Variants in SPTLC3 observed in about 807,000 individuals in gnomAD.
The protein encoded by SPTLC3 is serine palmitoyltransferase long chain base subunit 3.
In SPTLC3, 36 loss-of-function variants were observed where a neutral mutation model predicts 59.3. That is an observed-to-expected ratio of 0.61 (90% CI 0.47 to 0.80). SPTLC3 has a LOEUF of 0.80. SPTLC3 is among the 30% of genes least tolerant of loss of function. SPTLC3 has a pLI of 0.00. For missense variants in SPTLC3, 625 were observed against 685.1 expected (o/e 0.91, Z 0.98); for synonymous variants, 257 against 240.8 (o/e 1.07, Z -0.62).
chr20:13,009,456 AGG>A, intron 1 of SPTLC3, 72 bp downstream of exon 1: 1 of 1,363,688 alleles, frequency 7.3e-7, no homozygotes, highest in East Asian at 2.3e-5. Context: ...AAGATATTTG[AGG>A]CTGTCCTAAC....
chr20:13,040,600 C>T (rs1305778594), intron 1 of SPTLC3, among the ~76,000 whole-genome samples: 1 of 152,110 alleles, frequency 6.6e-6, no homozygotes, highest in Non-Finnish European at 1.5e-5. Flanking sequence ...CCTCGTGATC[C>T]ACCTGCCTTG....
chr20:13,048,337 TC>T (rs1326113109), intron 1 of SPTLC3, among the ~76,000 whole-genome samples: 2 of 152,190 alleles, frequency 1.3e-5, no homozygotes, highest in Admixed American at 6.5e-5. Flanking sequence ...TTCCCTTAAG[TC>T]CTCTCTTCCA....
At chr20:13,136,178 T>C (rs2038238623) in intron 9 of SPTLC3, among the ~76,000 whole-genome samples, 1 of 151,998 alleles carries the variant, frequency 6.6e-6, no homozygotes, top group South Asian at 2.1e-4. Flanking sequence ...AGTTTCTGGG[T>C]GGTAAGGCAG....
chr20:13,115,507 C>CA (rs112250630), intron 7 of SPTLC3, among the ~76,000 whole-genome samples: 4,952 of 152,076 alleles, frequency 0.033, 223 homozygotes, highest in African/African-American at 0.1. Context: ...AGTTCCAGAA[C>CA]AAAAAAATGG....
chr20:13,064,608 C>A (rs1030316547), intron 2 of SPTLC3, among the ~76,000 whole-genome samples: 3 of 152,164 alleles, frequency 2.0e-5, no homozygotes, highest in African/African-American at 7.2e-5. Context: ...CTAAATGGTT[C>A]ATTTTTAACT....
intron 8 of SPTLC3, among the ~76,000 whole-genome samples, chr20:13,124,146 A>G (rs1029072607): frequency 6.6e-6 from 1 of 152,212 alleles, no homozygotes; most frequent in Non-Finnish European, 1.5e-5. Context: ...AGGCTCACCA[A>G]ATAAAAGAAT....
chr20:13,129,630 A>G (rs2038075963), intron 9 of SPTLC3, among the ~76,000 whole-genome samples: 1 of 152,260 alleles, frequency 6.6e-6, no homozygotes, highest in African/African-American at 2.4e-5. Flanking sequence ...CCTTTGGTCT[A>G]TATGTCATCC....
At chr20:13,077,770 C>T (rs1362797376) in intron 4 of SPTLC3, among the ~76,000 whole-genome samples, 1 of 151,442 alleles carries the variant, frequency 6.6e-6, no homozygotes, top group East Asian at 1.9e-4. Flanking sequence ...TTCTATTGAG[C>T]CAAGCTATCT....
chr20:13,116,531 AT>A (rs1026423437), intron 7 of SPTLC3, among the ~76,000 whole-genome samples: 4 of 151,920 alleles, frequency 2.6e-5, no homozygotes, highest in African/African-American at 9.7e-5. Flanking sequence ...CATAGACTAC[AT>A]TTTTTTCCCT....
At chr20:13,061,802 C>T (rs2749390) in intron 2 of SPTLC3, among the ~76,000 whole-genome samples, 76,575 of 151,910 alleles carry the variant, frequency 0.5, 20,169 homozygotes, top group African/African-American at 0.67. Flanking sequence ...CTCAGATGTA[C>T]CCTGCTTCCA....
At chr20:13,060,902 G>T (rs1217947576) in intron 2 of SPTLC3, among the ~76,000 whole-genome samples, 3 of 151,932 alleles carry the variant, frequency 2.0e-5, no homozygotes, top group Non-Finnish European at 4.4e-5. Flanking sequence ...CATCTTTGCT[G>T]TTTTCAACGG....
At chr20:13,097,842 G>A (rs2122645459) in intron 6 of SPTLC3, among the ~76,000 whole-genome samples, 1 of 152,266 alleles carries the variant, frequency 6.6e-6, no homozygotes, top group South Asian at 2.1e-4. Flanking sequence ...AGAAAGAACA[G>A]TATCAGCCAA....
chr20:13,019,993 C>G (rs981545299), intron 1 of SPTLC3, among the ~76,000 whole-genome samples: 1 of 151,908 alleles, frequency 6.6e-6, no homozygotes, highest in Non-Finnish European at 1.5e-5. Context: ...GTGTGTATTC[C>G]CTGACTTCCT....
intron 1 of SPTLC3, among the ~76,000 whole-genome samples, chr20:13,039,797 C>T (rs1005677776): frequency 9.9e-5 from 15 of 152,008 alleles, no homozygotes; most frequent in African/African-American, 2.7e-4. Flanking sequence ...AGTTGCTCTA[C>T]GGCTTGCCAT....
intron 9 of SPTLC3, among the ~76,000 whole-genome samples, chr20:13,143,345 G>A (rs1458578690): frequency 6.6e-6 from 1 of 152,092 alleles, no homozygotes; most frequent in African/African-American, 2.4e-5. Flanking sequence ...AAATGTGTAT[G>A]AAAGTATATA....
intron 9 of SPTLC3, among the ~76,000 whole-genome samples, chr20:13,127,394 C>A (rs898376604): frequency 2.0e-5 from 3 of 152,220 alleles, no homozygotes; most frequent in Non-Finnish European, 4.4e-5. Flanking sequence ...GCCAGGCAAA[C>A]TGGTGAGCAC....
intron 7 of SPTLC3, 114 bp downstream of exon 7, chr20:13,110,331 G>T: frequency 1.2e-6 from 1 of 851,844 alleles, no homozygotes; most frequent in Non-Finnish European, 1.8e-6. Context: ...TTGGTTATAT[G>T]ACACAGGGAC....
intron 9 of SPTLC3, 69 bp downstream of exon 9, chr20:13,126,786 G>A (rs577564563): frequency 2.2e-5 from 35 of 1,575,198 alleles, no homozygotes; most frequent in South Asian, 2.0e-4. Context: ...TAATCTCCCC[G>A]CTTCTCAAAT....
chr20:13,129,058 T>C (rs749738926), intron 9 of SPTLC3, among the ~76,000 whole-genome samples: 60 of 151,936 alleles, frequency 3.9e-4, no homozygotes, highest in African/African-American at 1.3e-3. Context: ...GTATTTTTAG[T>C]AGAGATGGGG....
Sources: gnomAD v4.1 joint callset for allele counts (sites outside exome capture counted in the v4.1 genomes callset) on GRCh38, gnomAD v4.1.1 for gene constraint, MANE v1.5 for transcripts, NCBI Gene and HGNC (gene_info 2026-07-23, HGNC 2026-07-21) for gene names.